Variants in METTL21A observed in about 807,000 individuals in gnomAD.
The protein encoded by METTL21A is protein N-lysine methyltransferase METTL21A.
METTL21A carries 22 observed loss-of-function variants against 20.9 expected under a neutral mutation model. The ratio of observed to expected loss-of-function variants is 1.05; its 90% CI spans 0.75 to 1.50. METTL21A has a LOEUF of 1.50. METTL21A is among the 40% of genes most tolerant of loss of function. The pLI, the probability that METTL21A is intolerant of heterozygous loss-of-function variation, is 0.00. For missense variants in METTL21A, 271 were observed against 266.8 expected (o/e 1.02, Z -0.11); for synonymous variants, 93 against 102.0 (o/e 0.91, Z 0.53).
rs544445857 is a variant in METTL21A at position 207,624,465 on chromosome 2, C to G, written c.-29-61G>C. 4 of 1,403,110 alleles carry G rather than the reference C, an allele frequency of 2.9e-6. No homozygotes were observed. In the African/African-American group the frequency reaches 4.4e-5, roughly 16 times the overall value. 86.9% of individuals were successfully genotyped at this position (1,403,110 alleles called of 1,614,324 possible). ...CAAAAGATACATTATCTGTTCTTAA[C>G]TAACTCCAAATGCTTTTAAGGTCGT... On this transcript the variant is annotated intron_variant, in intron 1 of 3. Coordinates refer to ENST00000406927, the Ensembl canonical transcript of METTL21A.
chr2:207,605,953 A>AT (rs894181428), downstream of METTL21A, among the ~76,000 whole-genome samples: 2 of 152,134 alleles, frequency 1.3e-5, no homozygotes, highest in African/African-American at 2.4e-5. Flanking sequence ...CAGTCTAGGC[A>AT]TTTTTTTCTG....
At chr2:207,588,752 G>A (rs898716037) in intron 3 of METTL21A, among the ~76,000 whole-genome samples, 2 of 149,848 alleles carry the variant, frequency 1.3e-5, no homozygotes, top group African/African-American at 4.9e-5. Context: ...TGTGTGTGGG[G>A]GTGGGGGGAC....
At chr2:207,582,829 G>A in intron 3 of METTL21A, 2 of 329,572 alleles carry the variant, frequency 6.1e-6, no homozygotes, top group Non-Finnish European at 1.2e-5. Flanking sequence ...GGAGGTGGAA[G>A]TTGCAGTGAG....
chr2:207,587,656 T>TG, intron 3 of METTL21A, among the ~76,000 whole-genome samples: 1 of 152,084 alleles, frequency 6.6e-6, no homozygotes, highest in Non-Finnish European at 1.5e-5. Context: ...TGGATGAACT[T>TG]GGGGGACATT....
intron 3 of METTL21A, among the ~76,000 whole-genome samples, chr2:207,615,350 G>A (rs1397962452): frequency 6.6e-6 from 1 of 152,030 alleles, no homozygotes; most frequent in East Asian, 1.9e-4. Context: ...GCACTATTCA[G>A]GAGGCTGAGG....
At chr2:207,600,474 T>C (rs913836324) in intron 3 of METTL21A, 2 of 201,608 alleles carry the variant, frequency 9.9e-6, no homozygotes, top group African/African-American at 4.6e-5. Context: ...TTTCTTTGGC[T>C]TGATACTTTT....
chr2:207,609,336 A>C (rs534837842), downstream of METTL21A: 1 of 152,322 alleles, frequency 6.6e-6, no homozygotes, highest in Non-Finnish European at 1.5e-5. Flanking sequence ...TTGCATTGTA[A>C]AAAGAAAAGT....
chr2:207,597,184 C>A, intron 3 of METTL21A: 1 of 997,266 alleles, frequency 1.0e-6, no homozygotes, highest in Non-Finnish European at 1.4e-6. Context: ...TGCCTGAAAG[C>A]AACTACAGAA....
exon 4 of METTL21A, chr2:207,613,162 T>C (rs919539773): frequency 6.2e-7 from 1 of 1,614,030 alleles, no homozygotes; most frequent in South Asian, 1.1e-5. Flanking sequence ...AAGAAGTTGT[T>C]ATCCCGTTCA....
Position 207,613,348 on chromosome 2 carries a change from C to G in METTL21A, c.355G>C (p.Val119Leu), listed in dbSNP as rs759777531. ...TGTCCCCAAGTCAGCTCCTTAACAACAGTTTTAGTTTGGATATGAGGAGGT... is the reference window on the plus strand; with the variant it reads ...TGTCCCCAAGTCAGCTCCTTAACAAGAGTTTTAGTTTGGATATGAGGAGGT... The change falls in exon 4 of 4, where the codon GTT (valine) becomes CTT (leucine). Residue 119 changes from valine (V) to leucine (L), a missense_variant. Physicochemically the swap from Val to Leu is conservative, Grantham distance 32. Coordinates refer to ENST00000406927, the Ensembl canonical transcript of METTL21A. 34 of 1,613,786 alleles carry G rather than the reference C, an allele frequency of 2.1e-5. No homozygotes were observed. In the Admixed American group the frequency reaches 5.0e-4, roughly 24 times the overall value.
Position 207,600,238 on chromosome 2 carries a change from C to CATATAT in METTL21A, c.260-18084_260-18079dup, listed in dbSNP as rs71036937. On this transcript the variant is annotated intron_variant, in intron 3 of 3. Coordinates refer to the METTL21A transcript ENST00000425132. ...GTGGCATTTGTATAATATATGTGTACATATATATATATATATATATATATA... is the reference window on the plus strand; with the variant it reads ...GTGGCATTTGTATAATATATGTGTACATATATATATATATATATATATATATATATA... 8.9e-3 allele frequency: 1,294 copies of CATATAT among 145,644 alleles called. 8 individuals are homozygous for CATATAT. The highest frequency in any genetic ancestry group is 0.015 in the East Asian group (92 of 6,108). 9.0% of individuals were successfully genotyped at this position (145,644 alleles called of 1,614,324 possible).
intron 3 of METTL21A, among the ~76,000 whole-genome samples, chr2:207,616,391 T>A (rs2089745894): frequency 6.6e-6 from 1 of 152,240 alleles, no homozygotes; most frequent in African/African-American, 2.4e-5. Context: ...TCTAACCTGG[T>A]AGGTATTCCA....
intron 3 of METTL21A, among the ~76,000 whole-genome samples, chr2:207,595,723 C>G (rs984915116): frequency 6.6e-6 from 1 of 152,152 alleles, no homozygotes; most frequent in Non-Finnish European, 1.5e-5. Flanking sequence ...TGCCACCACA[C>G]TTGGCTAAAT....
chr2:207,613,247 G>A, exon 4 of METTL21A: 2 of 1,612,902 alleles, frequency 1.2e-6, no homozygotes, highest in Middle Eastern at 1.7e-4. Flanking sequence ...GAAGATCTGT[G>A]AATGTTTCTT....
chr2:207,598,292 TTTG>T (rs2086497405), intron 3 of METTL21A: 1 of 183,238 alleles, frequency 5.5e-6, no homozygotes, highest in Non-Finnish European at 1.2e-5. Flanking sequence ...AAAACATTTT[TTTG>T]TTCTCTTGTA....
At chr2:207,624,876 A>G (rs1463373080) in intron 1 of METTL21A, 186 bp downstream of exon 1, 1 of 152,262 alleles carries the variant, frequency 6.6e-6, no homozygotes, top group Non-Finnish European at 1.5e-5. Flanking sequence ...GATAGTGATA[A>G]CAATGGGACA....
At position 207,582,105 on chromosome 2, in the gene METTL21A, C is replaced by A. The variant is rs183501358; in HGVS notation, c.*42G>T. 7.3e-5 allele frequency: 51 copies of A among 702,820 alleles called. No homozygotes were observed. In the African/African-American group the frequency reaches 7.3e-4, roughly 10 times the overall value. 43.5% of individuals were successfully genotyped at this position (702,820 alleles called of 1,614,324 possible). ...TCCAGGTGTCTCCACTGTTGAGCTA[C>A]CATTTTTCTCTTTGTCCAGCCCATA... On this transcript the variant is annotated 3_prime_UTR_variant, in exon 4 of 4. Coordinates refer to the METTL21A transcript ENST00000425132.
intron 3 of METTL21A, chr2:207,600,566 G>C: frequency 4.7e-6 from 1 of 211,774 alleles, no homozygotes; most frequent in Admixed American, 5.9e-5. Context: ...TATAACAGTG[G>C]TAAGAACATT....
At chr2:207,598,553 T>A (rs1246030944) in intron 3 of METTL21A, 1 of 178,062 alleles carries the variant, frequency 5.6e-6, no homozygotes, top group African/African-American at 2.4e-5. Context: ...TAGGTTATAA[T>A]TTCTCATTTG....
Sources: allele counts gnomAD v4.1 joint callset (sites outside exome capture counted in the v4.1 genomes callset), GRCh38; gene constraint gnomAD v4.1.1; transcripts MANE v1.5; gene names NCBI Gene and HGNC (gene_info 2026-07-23, HGNC 2026-07-21).